The following RASL11B variants were observed in gnomAD, a reference collection of about 807,000 sequenced individuals.
RASL11B encodes ras-like protein family member 11B.
Under a neutral mutation model 22.9 loss-of-function variants are expected in RASL11B, and 14 were observed. The ratio of observed to expected loss-of-function variants is 0.61; its 90% CI spans 0.40 to 0.96. RASL11B has a LOEUF of 0.96. RASL11B is among the 40% of genes least tolerant of loss of function. The probability of loss-of-function intolerance (pLI) is 0.00; values close to 1 mark genes in which losing one functional copy is unlikely to be tolerated. For missense variants in RASL11B, 261 were observed against 322.0 expected (o/e 0.81, Z 1.45); for synonymous variants, 143 against 130.2 (o/e 1.10, Z -0.67).
intron 3 of RASL11B, among the ~76,000 whole-genome samples, chr4:52,865,058 A>G (rs1718231754): frequency 6.6e-6 from 1 of 152,162 alleles, no homozygotes; most frequent in Non-Finnish European, 1.5e-5. Flanking sequence ...CTAGCCAGTT[A>G]ATTTCCCATT....
chr4:52,862,326 C>G lies in RASL11B; in HGVS notation c.-182C>G. The G allele has an allele frequency of 1.7e-6, 1 of 585,824 alleles. No homozygotes were observed. The highest frequency in any genetic ancestry group is 2.5e-5 in the South Asian group (1 of 39,734). The allele number at this position is 585,824 out of a possible 1,614,324, so 36.3% of individuals were successfully genotyped here. A position where few individuals can be genotyped will look rare whatever the true frequency, so the allele number is the denominator to read the frequency against. On this transcript the variant is annotated 5_prime_UTR_variant, in exon 1 of 4. Transcript: ENST00000248706. Reference sequence around the variant, plus strand: ...CGCGCCGCGCGAGTGCAGTCTGGGTCTGGAGCCTGAGCCCTGCGGAACCTC... The same window carrying G: ...CGCGCCGCGCGAGTGCAGTCTGGGTGTGGAGCCTGAGCCCTGCGGAACCTC...
intron 2 of RASL11B, among the ~76,000 whole-genome samples, chr4:52,863,948 T>C (rs531561125): frequency 6.6e-6 from 1 of 152,218 alleles, no homozygotes; most frequent in East Asian, 1.9e-4. Flanking sequence ...TGAGTACCTA[T>C]AGGGGATTAT....
intron 3 of RASL11B, 38 bp from the exon 4 acceptor site, chr4:52,865,297 T>C (rs767534844): frequency 6.5e-7 from 1 of 1,533,942 alleles, no homozygotes; most frequent in South Asian, 1.2e-5. Context: ...TTTGTACAAC[T>C]GGCCAGCATT....
In RASL11B at chr4:52,866,552, G is replaced by A. The variant is rs1450454298; in HGVS notation, c.*747G>A. ...CGCTCTTCAACCCCAGACTTTGACTGTATAGTTTTTTGTTTTTTTAACTGT... is the reference window on the plus strand; with the variant it reads ...CGCTCTTCAACCCCAGACTTTGACTATATAGTTTTTTGTTTTTTTAACTGT... On this transcript the variant is annotated 3_prime_UTR_variant, in exon 4 of 4. Coordinates refer to ENST00000248706, the MANE Select transcript of RASL11B (RefSeq NM_023940.3). 6.6e-6 allele frequency: 1 copy of A among 152,560 alleles called. No homozygotes were observed. Among genetic ancestry groups the A allele is most frequent in the Non-Finnish European group, 1.5e-5 (1 of 68,056 alleles). The allele number at this position is 152,560 out of a possible 1,614,324, so 9.5% of individuals were successfully genotyped here. A position where few individuals can be genotyped will look rare whatever the true frequency, so the allele number is the denominator to read the frequency against.
chr4:52,863,258 T>C lies in RASL11B; in HGVS notation c.143-10T>C, dbSNP rs768072317. 1.2e-6 allele frequency: 2 copies of C among 1,613,104 alleles called. No individual in the cohort carries two copies. Among genetic ancestry groups the C allele is most frequent in the South Asian group, 2.2e-5 (2 of 90,772 alleles). ...GTTAACACTTTGACGTTCTTTTTTC[T>C]GACGTGCAGCACTGGTGGTCCGGTT... On this transcript the variant is annotated splice_polypyrimidine_tract_variant and intron_variant, in intron 1 of 3. Transcript: ENST00000248706.
intron 1 of RASL11B, among the ~76,000 whole-genome samples, 194 bp downstream of exon 1, chr4:52,862,843 A>C (rs1718185115): frequency 6.6e-6 from 1 of 152,224 alleles, no homozygotes; most frequent in Admixed American, 6.5e-5. Flanking sequence ...GGGGGAAACA[A>C]GGATCAAGAA....
At position 52,865,910 on chromosome 4, in the gene RASL11B, G is replaced by A; in HGVS notation, c.*105G>A. The A allele has an allele frequency of 1.2e-6, 1 of 856,980 alleles. No individual in the cohort carries two copies. Among genetic ancestry groups the A allele is most frequent in the South Asian group, 1.7e-5 (1 of 58,012 alleles). 53.1% of individuals were successfully genotyped at this position (856,980 alleles called of 1,614,324 possible). ...TGGCAATGATTCCTGGTTCCAGAAA[G>A]GGCTGGAGCAGAAGGGCCAAGAGGG... On this transcript the variant is annotated 3_prime_UTR_variant, in exon 4 of 4. Coordinates refer to ENST00000248706, the MANE Select transcript of RASL11B (RefSeq NM_023940.3).
rs1192383085 is a variant in RASL11B at position 52,866,798 on chromosome 4, AATTT to A, written c.*998_*1001del. 6.6e-6 allele frequency: 1 copy of A among 152,662 alleles called. No homozygotes were observed. Among genetic ancestry groups the A allele is most frequent in the Non-Finnish European group, 1.5e-5 (1 of 68,044 alleles). 9.5% of individuals were successfully genotyped at this position (152,662 alleles called of 1,614,324 possible). A position where few individuals can be genotyped will look rare whatever the true frequency, so the allele number is the denominator to read the frequency against. ...TCATGCTTTGGCTTAAACTGTAATT[AATTT>A]ATTTTATGTACAATAAATCGCATTT... On this transcript the variant is annotated 3_prime_UTR_variant, in exon 4 of 4. Transcript: ENST00000248706.
At position 52,864,543 on chromosome 4, in the gene RASL11B, C is replaced by G; in HGVS notation, c.265C>G (p.Pro89Ala). 1.2e-6 allele frequency: 2 copies of G among 1,606,564 alleles called. No homozygotes were observed. The highest frequency in any genetic ancestry group is 1.7e-6 in the Non-Finnish European group (2 of 1,173,110). The part of the protein sequence containing the change: ...ETLALQVQDT[P>A]GIQVHENSLS... The stretch of plus-strand genomic sequence containing the variant: ...CCTGGCTCTTCAGGTTCAAGACACT[C>G]CAGGTATTCAGGTGAGAAGCTCTGA... The change falls in exon 3 of 4, where the codon CCA becomes GCA. Residue 89 changes from proline to alanine, a missense_variant. Transcript: ENST00000248706.
Position 52,863,311 on chromosome 4 carries a change from T to C in RASL11B, c.186T>C (p.Tyr62=). The change falls in exon 2 of 4, where the codon TAT becomes TAC. Residue 62 remains tyrosine, a synonymous_variant. Transcript: ENST00000248706. ...TCACCAAACGATTCATCGGTGACTATGAAAGAAATGCAGGTGAGACAATGC... is the reference window on the plus strand; with the variant it reads ...TCACCAAACGATTCATCGGTGACTACGAAAGAAATGCAGGTGAGACAATGC... ...RFLTKRFIGD[Y]ERNAGNLYTR... 1.2e-6 allele frequency: 2 copies of C among 1,613,660 alleles called. No homozygotes were observed. Among genetic ancestry groups the C allele is most frequent in the Non-Finnish European group, 1.7e-6 (2 of 1,179,794 alleles).
At chr4:52,864,768 TAGA>T (rs1718227215) in intron 3 of RASL11B, among the ~76,000 whole-genome samples, 1 of 152,236 alleles carries the variant, frequency 6.6e-6, no homozygotes, top group Admixed American at 6.5e-5. Context: ...AATCTTCCTT[TAGA>T]AGGATTCAAC....
intron 2 of RASL11B, 118 bp downstream of exon 2, chr4:52,863,442 C>T (rs1718199880): frequency 1.2e-6 from 1 of 822,332 alleles, no homozygotes; most frequent in Non-Finnish European, 2.0e-6. Flanking sequence ...GATCCCGCCA[C>T]TTAAAACTTT....
chr4:52,862,448 C>G lies in RASL11B; in HGVS notation c.-60C>G. ...TCGGGTCCTCCCGCCCGCTCCCGCGCAGCGCTAGCATTCTCCAGTCCCTCA... is the reference window on the plus strand; with the variant it reads ...TCGGGTCCTCCCGCCCGCTCCCGCGGAGCGCTAGCATTCTCCAGTCCCTCA... On this transcript the variant is annotated 5_prime_UTR_variant, in exon 1 of 4. Coordinates refer to ENST00000248706, the MANE Select transcript of RASL11B (RefSeq NM_023940.3). 6.5e-7 allele frequency: 1 copy of G among 1,539,488 alleles called. No homozygotes were observed. Among genetic ancestry groups the G allele is most frequent in the Non-Finnish European group, 8.7e-7 (1 of 1,143,882 alleles).
Position 52,864,475 on chromosome 4 carries a change from T to C in RASL11B, c.200-3T>C, listed in dbSNP as rs774074605. 7 of 1,573,554 alleles carry C rather than the reference T, an allele frequency of 4.4e-6. No homozygotes were observed. The East Asian group carries it at 1.3e-4, about 30-fold the overall frequency. ...ACATAATCTCTTTTATTTGCCTTCA[T>C]AGGTAATCTCTATACTAGACAAGTT... On this transcript the variant is annotated splice_polypyrimidine_tract_variant and splice_region_variant and intron_variant, in intron 2 of 3. Coordinates refer to ENST00000248706, the MANE Select transcript of RASL11B (RefSeq NM_023940.3).
Position 52,865,826 on chromosome 4 carries a change from G to C in RASL11B, c.*21G>C, listed in dbSNP as rs775128345. ...TCTGAAGCAGGAGGAGCACTCAAGG[G>C]GGTTTGGTCTTCCCAGGAAGAGGGC... On this transcript the variant is annotated 3_prime_UTR_variant, in exon 4 of 4. Transcript: ENST00000248706. The C allele has an allele frequency of 3.1e-6, 5 of 1,587,810 alleles. No homozygotes were observed.
At chr4:52,862,681 C>A in intron 1 of RASL11B, 32 bp downstream of exon 1, 1 of 1,516,370 alleles carries the variant, frequency 6.6e-7, no homozygotes, top group South Asian at 1.3e-5. Flanking sequence ...TGGGTCTGGT[C>A]TTGGACGACC....
At chr4:52,863,966 G>A (rs1426138532) in intron 2 of RASL11B, among the ~76,000 whole-genome samples, 4 of 152,308 alleles carry the variant, frequency 2.6e-5, no homozygotes, top group African/African-American at 9.6e-5. Context: ...TATTTGAAAT[G>A]AGCTGTATAA....
At chr4:52,863,980 A>T (rs6554057) in intron 2 of RASL11B, among the ~76,000 whole-genome samples, 27,072 of 152,244 alleles carry the variant, frequency 0.18, 2,646 homozygotes, top group African/African-American at 0.25. Context: ...TGTATAAGCT[A>T]TCCCAAGATA....
chr4:52,865,259 A>C (rs1718234710), intron 3 of RASL11B, 76 bp from the exon 4 acceptor site: 5 of 1,269,392 alleles, frequency 3.9e-6, no homozygotes, highest in Non-Finnish European at 5.5e-6. Context: ...GGCTCTTTTG[A>C]ATTTGAAATC....
Sources: gnomAD v4.1 joint callset for allele counts (sites outside exome capture counted in the v4.1 genomes callset) on GRCh38, gnomAD v4.1.1 for gene constraint, MANE v1.5 for transcripts, NCBI Gene and HGNC (gene_info 2026-07-23, HGNC 2026-07-21) for gene names.